Variants in NFIB observed in about 807,000 individuals in gnomAD.
NFIB encodes nuclear factor I B.
A neutral mutation model predicts 61.5 loss-of-function variants in NFIB; 11 were observed. The ratio of observed to expected loss-of-function variants is 0.18; its 90% confidence interval spans 0.11 to 0.30. The LOEUF (loss-of-function observed/expected upper bound fraction) is 0.30. Ranked by LOEUF, NFIB falls within the 10% of genes least tolerant of loss-of-function variation. The pLI is 1.00. For missense variants in NFIB, 471 were observed against 608.9 expected (o/e 0.77, Z 2.38); for synonymous variants, 260 against 216.5 (o/e 1.20, Z -1.76).
chr9:14,424,380 T>C, the NFIB span, among the ~76,000 whole-genome samples: 55 of 152,148 alleles, frequency 3.6e-4, 1 homozygote, highest in Non-Finnish European at 1.0e-4. Context: ...GTTTTGGAAA[T>C]AGCATATTGG....
intron 9 of NFIB, among the ~76,000 whole-genome samples, chr9:14,114,398 C>T (rs79900330): frequency 6.6e-6 from 1 of 152,102 alleles, no homozygotes; most frequent in African/African-American, 2.4e-5. Flanking sequence ...TGAGAAAGAG[C>T]CTTCCTTGGC....
chr9:14,434,294 C>T, the NFIB span, among the ~76,000 whole-genome samples: 15 of 152,094 alleles, frequency 9.9e-5, no homozygotes, highest in South Asian at 2.1e-4. Context: ...CTAAGAGATA[C>T]CAGTCTGTTG....
chr9:14,189,383 T>C (rs922814882), intron 2 of NFIB, among the ~76,000 whole-genome samples: 12 of 152,206 alleles, frequency 7.9e-5, no homozygotes, highest in Non-Finnish European at 1.2e-4. Flanking sequence ...AAGCAAACCA[T>C]TTCACGCACG....
At chr9:14,139,011 T>C (rs1433923963) in intron 6 of NFIB, among the ~76,000 whole-genome samples, 2 of 152,278 alleles carry the variant, frequency 1.3e-5, no homozygotes, top group East Asian at 1.9e-4. Flanking sequence ...ATTCTAGTTC[T>C]GTTAGGTCTA....
intron 1 of NFIB, among the ~76,000 whole-genome samples, chr9:14,394,029 C>T (rs2061654327): frequency 6.6e-6 from 1 of 152,190 alleles, no homozygotes; most frequent in African/African-American, 2.4e-5. Context: ...TCCACCCACT[C>T]ATCCATCTGT....
the NFIB span, among the ~76,000 whole-genome samples, chr9:14,481,270 A>G: frequency 7.5e-6 from 1 of 132,502 alleles, no homozygotes; most frequent in African/African-American, 2.8e-5. Flanking sequence ...GGGGTAACTC[A>G]AGGTGTGTTT....
At chr9:14,242,912 G>A (rs1236663635) in intron 2 of NFIB, among the ~76,000 whole-genome samples, 1 of 152,170 alleles carries the variant, frequency 6.6e-6, no homozygotes, top group Non-Finnish European at 1.5e-5. Flanking sequence ...TATATGTACT[G>A]AAAATAACTT....
chr9:14,330,366 G>GT (rs932490724), intron 1 of NFIB, among the ~76,000 whole-genome samples: 1 of 152,112 alleles, frequency 6.6e-6, no homozygotes, highest in Non-Finnish European at 1.5e-5. Context: ...GATTCCCTCT[G>GT]TACAGAGACC....
the NFIB span, among the ~76,000 whole-genome samples, chr9:14,505,728 T>A: frequency 6.6e-6 from 1 of 152,090 alleles, no homozygotes; most frequent in Non-Finnish European, 1.5e-5. Flanking sequence ...GCAGCAGGAA[T>A]GCCATGGAGC....
intron 1 of NFIB, among the ~76,000 whole-genome samples, chr9:14,339,566 T>A (rs2060925856): frequency 6.6e-6 from 1 of 152,218 alleles, no homozygotes; most frequent in South Asian, 2.1e-4. Context: ...TAGCAACACC[T>A]CTAAATTTAC....
intron 8 of NFIB, 132 bp from the exon 9 acceptor site, chr9:14,116,478 T>G: frequency 2.2e-6 from 2 of 910,908 alleles, no homozygotes; most frequent in Non-Finnish European, 3.0e-6. Flanking sequence ...CCCTCTCGAG[T>G]CGGAGTCGGA....
chr9:14,444,227 G>C, the NFIB span, among the ~76,000 whole-genome samples: 475 of 152,298 alleles, frequency 3.1e-3, 1 homozygote, highest in African/African-American at 0.011. Flanking sequence ...AGAGTAAGAG[G>C]TTTGGAAGCT....
intron 2 of NFIB, among the ~76,000 whole-genome samples, chr9:14,195,166 T>TAAA (rs200677099): frequency 6.7e-6 from 1 of 149,756 alleles, no homozygotes; most frequent in African/African-American, 2.5e-5. Flanking sequence ...CAAAAGAAGT[T>TAAA]AAAAAAAAAC....
chr9:14,479,259 G>A, the NFIB span, among the ~76,000 whole-genome samples: 326 of 152,312 alleles, frequency 2.1e-3, 1 homozygote, highest in Middle Eastern at 0.034. Context: ...GGGGCTCTGG[G>A]AGTGCATGTA....
chr9:14,249,345 T>C (rs2055311007), intron 2 of NFIB, among the ~76,000 whole-genome samples: 1 of 151,392 alleles, frequency 6.6e-6, no homozygotes, highest in Non-Finnish European at 1.5e-5. Flanking sequence ...TTAGCTTTTT[T>C]CTTTTCTTAA....
chr9:14,231,130 AAAAAAATATATATATATATAT>A (rs2053106124), intron 2 of NFIB, among the ~76,000 whole-genome samples: 1 of 94,376 alleles, frequency 1.1e-5, no homozygotes, highest in African/African-American at 4.4e-5. Context: ...GAAAAAAAAA[AAAAAAATATATATATATATAT>A]ATATATATAT....
At chr9:14,093,186 C>G (rs776415753) in intron 10 of NFIB, among the ~76,000 whole-genome samples, 2 of 151,936 alleles carry the variant, frequency 1.3e-5, no homozygotes, top group Non-Finnish European at 2.9e-5. Context: ...ACAATAAGAG[C>G]TATTTTAAGA....
intron 2 of NFIB, among the ~76,000 whole-genome samples, chr9:14,243,527 G>A (rs1031801030): frequency 6.6e-6 from 1 of 151,878 alleles, no homozygotes; most frequent in African/African-American, 2.4e-5. Context: ...TGTTTCATGA[G>A]GGAAGACAAA....
At chr9:14,106,540 G>A (rs1372352777) in intron 10 of NFIB, among the ~76,000 whole-genome samples, 1 of 152,032 alleles carries the variant, frequency 6.6e-6, no homozygotes, top group East Asian at 1.9e-4. Context: ...AGAGAACCTT[G>A]TTCCTGGCCC....
Sources: allele counts gnomAD v4.1 joint callset (sites outside exome capture counted in the v4.1 genomes callset), GRCh38; gene constraint gnomAD v4.1.1; transcripts MANE v1.5; gene names NCBI Gene and HGNC (gene_info 2026-07-23, HGNC 2026-07-21).